PREX1: variants seen among roughly 807,000 people sequenced by gnomAD.
PREX1 encodes phosphatidylinositol 3,4,5-trisphosphate-dependent Rac exchanger 1 protein.
Under a neutral mutation model 198.3 loss-of-function variants are expected in PREX1, and 41 were observed. The ratio of observed to expected loss-of-function variants is 0.21; its 90% CI spans 0.16 to 0.27. PREX1 has a LOEUF of 0.27. PREX1 is among the 10% of genes least tolerant of loss of function. The probability of loss-of-function intolerance (pLI) is 1.00; values close to 1 mark genes in which losing one functional copy is unlikely to be tolerated. For synonymous variants in PREX1, 843 were observed against 887.2 expected (o/e 0.95, Z 0.89); for missense variants, 1,620 against 2,200.7 (o/e 0.74, Z 5.28).
rs2090515214 is a variant in PREX1 at position 48,827,556 on chromosome 20, G to A, written c.219+86C>T. ...GCCCCCGAGGCAATTCTCCACCCAC[G>A]GGGACCACGGCCACAGGTTGTGGGG... On this transcript the variant is annotated intron_variant, in intron 1 of 39. Transcript: ENST00000371941. This position sits in a 1 kb window ranked among gnomAD's most constrained non-coding sequence, Gnocchi z 4.1. The A allele has an allele frequency of 2.9e-6, 3 of 1,028,692 alleles. No homozygotes were observed. Among genetic ancestry groups the A allele is most frequent in the South Asian group, 9.3e-5 (2 of 21,548 alleles). The allele number at this position is 1,028,692 out of a possible 1,614,324, so 63.7% of individuals were successfully genotyped here. A position where few individuals can be genotyped will look rare whatever the true frequency, so the allele number is the denominator to read the frequency against.
At chr20:48,761,850 C>G (rs1211819650) in intron 1 of PREX1, among the ~76,000 whole-genome samples, 1 of 152,168 alleles carries the variant, frequency 6.6e-6, no homozygotes. Context: ...AAACTTGGGC[C>G]TAAGTTTGAA....
the PREX1 span, among the ~76,000 whole-genome samples, chr20:48,879,611 G>A: frequency 6.6e-6 from 1 of 152,068 alleles, no homozygotes; most frequent in Non-Finnish European, 1.5e-5. Flanking sequence ...TCACCTCTGG[G>A]TACATCTGTC....
rs772530802 is a variant in PREX1, at chr20:48,636,701, G to A, written c.3947-18C>T. On this transcript the variant is annotated intron_variant, in intron 31 of 39. Transcript: ENST00000371941. ...CTCCGTGTCTGGGGGCAGAGGGCAG[G>A]AGGCCTTGCTGGAGGGGCGCTCCCG... 5.7e-6 allele frequency: 9 copies of A among 1,580,044 alleles called. No homozygotes were observed. Among genetic ancestry groups the A allele is most frequent in the Admixed American group, 1.8e-5 (1 of 56,498 alleles).
intron 10 of PREX1, among the ~76,000 whole-genome samples, chr20:48,686,943 C>T (rs1334710067): frequency 6.6e-6 from 1 of 152,224 alleles, no homozygotes; most frequent in Non-Finnish European, 1.5e-5. Flanking sequence ...CAGCCTCCAC[C>T]GGGCTCCTGC....
chr20:48,875,295 C>T, the PREX1 span, among the ~76,000 whole-genome samples: 2 of 152,016 alleles, frequency 1.3e-5, no homozygotes, highest in African/African-American at 2.4e-5. Context: ...GAGGGAACGG[C>T]GGGTGCGAAA....
intron 5 of PREX1, among the ~76,000 whole-genome samples, chr20:48,723,758 G>A (rs2089997397): frequency 1.3e-5 from 2 of 152,138 alleles, no homozygotes; most frequent in South Asian, 4.1e-4. Flanking sequence ...CAGAGCCCAG[G>A]AATCCCACCA....
chr20:48,645,748 A>T, intron 26 of PREX1, 103 bp downstream of exon 26: 25 of 1,309,692 alleles, frequency 1.9e-5, no homozygotes, highest in Non-Finnish European at 2.7e-5. Context: ...AGCCCACTGC[A>T]CCCTGAGAAG....
chr20:48,740,333 G>A (rs1247501734), intron 3 of PREX1, among the ~76,000 whole-genome samples: 2 of 152,228 alleles, frequency 1.3e-5, no homozygotes, highest in African/African-American at 4.8e-5. Context: ...TGCTGGGAGT[G>A]CTGGCTGACA....
Position 48,664,190 on chromosome 20 carries a change from C to CT in PREX1, c.1738+2092_1738+2093insA, listed in dbSNP as rs534022033. 2.6e-3 allele frequency among the ~76,000 whole-genome samples: 402 copies of CT among 152,252 alleles called. 2 individuals carry two copies. Among genetic ancestry groups the CT allele is most frequent in the Non-Finnish European group, 4.1e-3 (279 of 68,022 alleles). On this transcript the variant is annotated intron_variant, in intron 15 of 39. Transcript: ENST00000371941. The stretch of plus-strand genomic sequence containing the variant: ...GAGATCAAGACCATCCTGGCTAACA[C>CT]GGTGAAATGCCATCTCTACTAAAAA...
chr20:48,670,374 G>A (rs559259536), intron 14 of PREX1, among the ~76,000 whole-genome samples: 19 of 151,676 alleles, frequency 1.3e-4, no homozygotes, highest in African/African-American at 4.4e-4. Context: ...CCCACGTGGC[G>A]GGCATTCCAG....
At chr20:48,885,239 G>A in the PREX1 span, among the ~76,000 whole-genome samples, 21,251 of 152,218 alleles carry the variant, frequency 0.14, 1,768 homozygotes, top group Middle Eastern at 0.22. Flanking sequence ...ACATTGTCCT[G>A]TTTCACTGTC....
At chr20:48,782,024 T>C (rs2090291994) in intron 1 of PREX1, among the ~76,000 whole-genome samples, 1 of 152,190 alleles carries the variant, frequency 6.6e-6, no homozygotes, top group Admixed American at 6.5e-5. Flanking sequence ...GGGGAGCCAA[T>C]GCTCAGGAGA....
At chr20:48,670,782 G>A (rs949325098) in intron 14 of PREX1, among the ~76,000 whole-genome samples, 3 of 152,266 alleles carry the variant, frequency 2.0e-5, no homozygotes, top group South Asian at 4.1e-4. Context: ...AATACCAAGC[G>A]TTATGATTGT....
At chr20:48,751,090 C>T (rs2090132190) in intron 1 of PREX1, among the ~76,000 whole-genome samples, 1 of 152,240 alleles carries the variant, frequency 6.6e-6, no homozygotes, top group African/African-American at 2.4e-5. Flanking sequence ...ATAGCAGGTG[C>T]TTGAAAATCA....
At chr20:48,713,772 T>G (rs1437004617) in intron 5 of PREX1, among the ~76,000 whole-genome samples, 3 of 145,156 alleles carry the variant, frequency 2.1e-5, no homozygotes, top group East Asian at 2.0e-4. Context: ...GAGAGAGAGA[T>G]AGGTTGATAG....
At chr20:48,836,097 G>A in the PREX1 span, among the ~76,000 whole-genome samples, 13 of 152,176 alleles carry the variant, frequency 8.5e-5, no homozygotes, top group Non-Finnish European at 1.8e-4. Flanking sequence ...CATTAACCAC[G>A]ATGGGAAAGA....
At chr20:48,884,873 A>G in the PREX1 span, among the ~76,000 whole-genome samples, 2 of 152,210 alleles carry the variant, frequency 1.3e-5, no homozygotes, top group African/African-American at 4.8e-5. Flanking sequence ...GCACTTTGGG[A>G]GGCAGAGGTG....
intron 1 of PREX1, among the ~76,000 whole-genome samples, chr20:48,817,094 C>T (rs1050314565): frequency 1.4e-4 from 22 of 152,160 alleles, no homozygotes; most frequent in African/African-American, 4.8e-4. Context: ...TGGGAAGCAG[C>T]GTGTTCTGTG....
chr20:48,749,938 C>G (rs1046326419), intron 1 of PREX1, among the ~76,000 whole-genome samples: 1 of 152,056 alleles, frequency 6.6e-6, no homozygotes, highest in African/African-American at 2.4e-5. Context: ...TTTATATCCC[C>G]AGCCTGGACT....
Sources: allele counts gnomAD v4.1 joint callset (sites outside exome capture counted in the v4.1 genomes callset), GRCh38; gene constraint gnomAD v4.1.1; non-coding constraint Gnocchi (gnomAD v3.1); transcripts MANE v1.5; gene names NCBI Gene and HGNC (gene_info 2026-07-23, HGNC 2026-07-21).